Variants in ANKS1A observed in about 807,000 individuals in gnomAD.
ANKS1A encodes ankyrin repeat and sterile alpha motif domain containing 1A.
Under a neutral mutation model 120.3 loss-of-function variants are expected in ANKS1A, and 55 were observed. That is an observed-to-expected ratio of 0.46 (90% CI 0.37 to 0.57). The LOEUF (loss-of-function observed/expected upper bound fraction) is 0.57. ANKS1A is among the 20% of genes least tolerant of loss of function. The pLI is 0.00. For synonymous variants in ANKS1A, 590 were observed against 604.7 expected (o/e 0.98, Z 0.36); for missense variants, 1,123 against 1,480.3 (o/e 0.76, Z 3.96).
intron 1 of ANKS1A, among the ~76,000 whole-genome samples, chr6:34,891,872 C>T (rs897727408): frequency 5.3e-5 from 8 of 152,216 alleles, no homozygotes; most frequent in African/African-American, 9.6e-5. Flanking sequence ...CATGATCCGC[C>T]GGCCTCGGCC....
chr6:34,981,184 G>A (rs539998867), intron 3 of ANKS1A, among the ~76,000 whole-genome samples: 1 of 152,130 alleles, frequency 6.6e-6, no homozygotes, highest in African/African-American at 2.4e-5. Flanking sequence ...TTTCACTGTT[G>A]GCTGATTGAT....
intron 16 of ANKS1A, 117 bp downstream of exon 16, chr6:35,080,045 C>G (rs1204032311): frequency 3.4e-6 from 4 of 1,192,600 alleles, no homozygotes; most frequent in South Asian, 2.8e-5. Context: ...GCAGCTCCAA[C>G]AAGAAGAGAG....
intron 11 of ANKS1A, among the ~76,000 whole-genome samples, chr6:35,048,984 G>A (rs891898043): frequency 2.0e-5 from 3 of 152,224 alleles, no homozygotes; most frequent in Non-Finnish European, 2.9e-5. Flanking sequence ...TGGCACCAGC[G>A]AAAGTGAGAG....
chr6:34,994,236 G>A (rs975675087), intron 9 of ANKS1A, 66 bp from the exon 10 acceptor site: 196 of 1,563,930 alleles, frequency 1.3e-4, no homozygotes, highest in Non-Finnish European at 1.6e-4. Flanking sequence ...TCTCGAATTT[G>A]TTCCAGACTG....
chr6:35,052,478 G>A (rs1390917321), intron 11 of ANKS1A, among the ~76,000 whole-genome samples: 1 of 151,012 alleles, frequency 6.6e-6, no homozygotes, highest in Non-Finnish European at 1.5e-5. Flanking sequence ...AAAAAAAATA[G>A]CAAGGCATGG....
chr6:34,958,372 A>G (rs866778678), intron 1 of ANKS1A, among the ~76,000 whole-genome samples: 3 of 152,130 alleles, frequency 2.0e-5, no homozygotes, highest in Admixed American at 6.6e-5. Flanking sequence ...TTTACACTGC[A>G]TGAAGGTGTT....
intron 14 of ANKS1A, 42 bp from the exon 15 acceptor site, chr6:35,079,474 G>A: frequency 6.2e-7 from 1 of 1,609,536 alleles, no homozygotes; most frequent in Non-Finnish European, 8.5e-7. Context: ...CCTCTCCTGT[G>A]AGTGCTGAGA....
chr6:35,016,165 C>G (rs577503625), intron 10 of ANKS1A, among the ~76,000 whole-genome samples: 4 of 152,338 alleles, frequency 2.6e-5, no homozygotes, highest in Admixed American at 2.0e-4. Flanking sequence ...GGCCACACAG[C>G]TAGAGAACAG....
downstream of ANKS1A, among the ~76,000 whole-genome samples, chr6:35,093,329 T>A (rs1466642593): frequency 6.6e-6 from 1 of 152,016 alleles, no homozygotes; most frequent in African/African-American, 2.4e-5. Flanking sequence ...TTCCAACTTA[T>A]GCCAAAATAA....
chr6:34,897,885 G>A (rs986031746), intron 1 of ANKS1A, among the ~76,000 whole-genome samples: 2 of 152,134 alleles, frequency 1.3e-5, no homozygotes, highest in African/African-American at 4.8e-5. Flanking sequence ...ACTGCCTCCT[G>A]GCCTACTTAA....
intron 1 of ANKS1A, among the ~76,000 whole-genome samples, chr6:34,917,668 C>A (rs1356306443): frequency 3.3e-5 from 5 of 152,186 alleles, no homozygotes; most frequent in African/African-American, 1.2e-4. Flanking sequence ...ACATCCTGTC[C>A]CTACAGAACT....
intron 1 of ANKS1A, among the ~76,000 whole-genome samples, chr6:34,957,823 TAG>T (rs2127498392): frequency 6.6e-6 from 1 of 152,318 alleles, no homozygotes; most frequent in East Asian, 1.9e-4. Context: ...GAACATGCAC[TAG>T]AGTCAGATGT....
In ANKS1A at chr6:34,970,139, G is replaced by A; in HGVS notation, c.408G>A (p.Gly136=). 3 of 1,613,878 alleles carry A rather than the reference G, an allele frequency of 1.9e-6. No individual in the cohort carries two copies. Among genetic ancestry groups the A allele is most frequent in the African/African-American group, 1.3e-5 (1 of 75,020 alleles). Reference sequence around the variant, plus strand: ...TAGTGCGGTTGCTCATCCATCAAGGGCCTTCACACACCAGAGTCAATGAAC... The same window carrying A: ...TAGTGCGGTTGCTCATCCATCAAGGACCTTCACACACCAGAGTCAATGAAC... ...AQIVRLLIHQ[G]PSHTRVNEQN... Residue 136 remains glycine (G), a synonymous_variant, in exon 3 of 24, where the codon GGG becomes GGA. Coordinates refer to ENST00000360359, the MANE Select transcript of ANKS1A (RefSeq NM_015245.3).
chr6:34,967,894 C>A (rs552133468), intron 2 of ANKS1A, among the ~76,000 whole-genome samples: 1 of 151,924 alleles, frequency 6.6e-6, no homozygotes, highest in South Asian at 2.1e-4. Context: ...CTTTTTCCCT[C>A]TGGAATGTTC....
chr6:34,900,291 AC>A (rs1335641757), intron 1 of ANKS1A, among the ~76,000 whole-genome samples: 1 of 152,182 alleles, frequency 6.6e-6, no homozygotes, highest in African/African-American at 2.4e-5. Context: ...TTTGGATGAG[AC>A]TTAAGCGACC....
At chr6:34,897,829 A>G (rs891819811) in intron 1 of ANKS1A, among the ~76,000 whole-genome samples, 1 of 152,182 alleles carries the variant, frequency 6.6e-6, no homozygotes, top group East Asian at 1.9e-4. Flanking sequence ...GAAACAAGAT[A>G]GTTGTATCTG....
chr6:35,069,294 C>G (rs1189011919), intron 13 of ANKS1A, among the ~76,000 whole-genome samples: 1 of 151,984 alleles, frequency 6.6e-6, no homozygotes, highest in Non-Finnish European at 1.5e-5. Flanking sequence ...CCCCCTCCTG[C>G]AGTCCCCCAA....
chr6:34,943,844 G>C (rs1302551930), intron 1 of ANKS1A, among the ~76,000 whole-genome samples: 1 of 152,212 alleles, frequency 6.6e-6, no homozygotes. Context: ...GTTATGAATA[G>C]AGCTGCTATA....
rs549122196 is a variant in ANKS1A, at chr6:34,970,003, C to T, written c.279-7C>T. 6.2e-7 allele frequency: 1 copy of T among 1,611,034 alleles called. No individual in the cohort carries two copies. Among genetic ancestry groups the T allele is most frequent in the South Asian group, 1.1e-5 (1 of 90,602 alleles). On this transcript the variant is annotated splice_polypyrimidine_tract_variant and splice_region_variant and intron_variant, in intron 2 of 23. Transcript: ENST00000360359. ...CTACCAACTCATGATTGATTTTTGCCTTCTAGGGATGTGGTCGAGGTTCTT... is the reference window on the plus strand; with the variant it reads ...CTACCAACTCATGATTGATTTTTGCTTTCTAGGGATGTGGTCGAGGTTCTT...
Sources: allele counts gnomAD v4.1 joint callset (sites outside exome capture counted in the v4.1 genomes callset), GRCh38; gene constraint gnomAD v4.1.1; transcripts MANE v1.5; gene names NCBI Gene and HGNC (gene_info 2026-07-23, HGNC 2026-07-21).